Variants in NBAS observed in about 807,000 individuals in gnomAD.
The protein encoded by NBAS is NBAS subunit of NRZ tethering complex.
In NBAS, 219 loss-of-function variants were observed where a neutral mutation model predicts 302.5. The ratio of observed to expected loss-of-function variants is 0.72; its 90% CI spans 0.65 to 0.81. NBAS has a LOEUF of 0.81. Among genes scored for constraint, NBAS ranks in the 30% least tolerant of loss-of-function variants. NBAS has a pLI of 0.00. For synonymous variants in NBAS, 1,118 were observed against 1,021.6 expected (o/e 1.09, Z -1.80); for missense variants, 2,932 against 2,841.6 (o/e 1.03, Z -0.72).
chr2:15,378,850 A>G lies in NBAS; in HGVS notation c.3590+752T>C, dbSNP rs182884760. Among the ~76,000 whole-genome samples the G allele has an allele frequency of 1.4e-4, 22 of 152,312 alleles. No individual in the cohort carries two copies. In the East Asian group the frequency reaches 4.2e-3, roughly 29 times the overall value. On this transcript the variant is annotated intron_variant, in intron 30 of 51. Coordinates refer to ENST00000281513, the MANE Select transcript of NBAS (RefSeq NM_015909.4). ...AAACCACTTTTCTGAAATGTTGAAC[A>G]AGGAAGATAATCTTTTTTAAGCTTT...
chr2:14,953,565 G>A, the NBAS span, among the ~76,000 whole-genome samples: 2 of 152,140 alleles, frequency 1.3e-5, no homozygotes, highest in Non-Finnish European at 2.9e-5. Flanking sequence ...ATGTGTGTCT[G>A]GTCATCCCCT....
At chr2:14,825,123 T>G in the NBAS span, among the ~76,000 whole-genome samples, 1 of 152,204 alleles carries the variant, frequency 6.6e-6, no homozygotes, top group Non-Finnish European at 1.5e-5. Context: ...GGCAGGCAGC[T>G]GGAATCTCCT....
At chr2:14,783,603 G>A in the NBAS span, among the ~76,000 whole-genome samples, 1 of 151,278 alleles carries the variant, frequency 6.6e-6, no homozygotes, top group East Asian at 2.0e-4. Flanking sequence ...AGTTTACTGA[G>A]AATGATGATT....
At chr2:15,535,591 A>G (rs977857535) in intron 8 of NBAS, among the ~76,000 whole-genome samples, 3 of 150,392 alleles carry the variant, frequency 2.0e-5, no homozygotes, top group African/African-American at 7.5e-5. Context: ...ATAAAATGGC[A>G]TAGTATTTTC....
At chr2:15,262,570 ATAAACCTGTCTCTTTC>A (rs1668898439) in intron 44 of NBAS, among the ~76,000 whole-genome samples, 2 of 152,242 alleles carry the variant, frequency 1.3e-5, no homozygotes, top group South Asian at 4.1e-4. Flanking sequence ...AGGTCTGACT[ATAAACCTGTCTCTTTC>A]TACATTACCC....
At chr2:15,073,037 T>G in the NBAS span, among the ~76,000 whole-genome samples, 1 of 152,090 alleles carries the variant, frequency 6.6e-6, no homozygotes, top group Non-Finnish European at 1.5e-5. Flanking sequence ...GCTGGAGAAC[T>G]GCTTAAGCCT....
At chr2:15,430,576 G>C (rs1677714039) in intron 21 of NBAS, among the ~76,000 whole-genome samples, 1 of 152,114 alleles carries the variant, frequency 6.6e-6, no homozygotes, top group Non-Finnish European at 1.5e-5. Flanking sequence ...ATTACAATGA[G>C]AAAACTAAAG....
the NBAS span, among the ~76,000 whole-genome samples, chr2:15,101,200 C>A: frequency 2.6e-5 from 4 of 152,132 alleles, no homozygotes; most frequent in Non-Finnish European, 4.4e-5. Flanking sequence ...ACTATGATAT[C>A]TTGCTGTATT....
chr2:15,308,418 T>C, intron 39 of NBAS, 65 bp from the exon 40 acceptor site: 20 of 1,568,206 alleles, frequency 1.3e-5, no homozygotes, highest in Non-Finnish European at 1.7e-5. Context: ...TATAAACCAT[T>C]ATATTTCTAG....
chr2:15,230,787 A>G (rs1199383356), intron 47 of NBAS, among the ~76,000 whole-genome samples: 1 of 152,162 alleles, frequency 6.6e-6, no homozygotes, highest in Admixed American at 6.5e-5. Flanking sequence ...GAACTCACTG[A>G]CAAGCTGGGA....
the NBAS span, among the ~76,000 whole-genome samples, chr2:15,064,260 T>C: frequency 6.8e-6 from 1 of 146,264 alleles, no homozygotes; most frequent in Non-Finnish European, 1.5e-5. Flanking sequence ...TTAAACAAAA[T>C]TGGCAAACCT....
chr2:15,375,779 T>A (rs887408641), intron 30 of NBAS, among the ~76,000 whole-genome samples: 1 of 152,084 alleles, frequency 6.6e-6, no homozygotes, highest in Non-Finnish European at 1.5e-5. Flanking sequence ...CAAATTGTTT[T>A]TAAAAATGAA....
At chr2:15,449,167 A>G (rs1200163344) in intron 21 of NBAS, among the ~76,000 whole-genome samples, 1 of 152,198 alleles carries the variant, frequency 6.6e-6, no homozygotes, top group Non-Finnish European at 1.5e-5. Flanking sequence ...GAAACTGAAG[A>G]TTATATTGTT....
At chr2:15,543,881 C>T (rs1374643663) in intron 6 of NBAS, among the ~76,000 whole-genome samples, 1 of 152,108 alleles carries the variant, frequency 6.6e-6, no homozygotes, top group African/African-American at 2.4e-5. Flanking sequence ...CTATAAATTC[C>T]AAAATGTCAG....
In NBAS at chr2:15,336,562, C is replaced by G. The variant is rs574182951; in HGVS notation, c.4180-5797G>C. On this transcript the variant is annotated intron_variant, in intron 35 of 51. Transcript: ENST00000281513. The stretch of plus-strand genomic sequence containing the variant: ...GCCTGCTCAACTGGTGAAACCCCGT[C>G]TCTACTAAAAACACAAAATTAGCCG... 5.9e-5 allele frequency among the ~76,000 whole-genome samples: 9 copies of G among 152,238 alleles called. No homozygotes were observed. The South Asian group carries it at 1.9e-3, about 32-fold the overall frequency.
At chr2:15,415,805 T>TA in intron 24 of NBAS, 86 bp from the exon 25 acceptor site, 1 of 1,413,898 alleles carries the variant, frequency 7.1e-7, no homozygotes, top group Non-Finnish European at 1.0e-6. Flanking sequence ...TTCTAAAGCT[T>TA]ACAGGTCCTC....
chr2:15,141,834 G>T, the NBAS span, among the ~76,000 whole-genome samples: 2 of 152,194 alleles, frequency 1.3e-5, no homozygotes, highest in Non-Finnish European at 2.9e-5. Flanking sequence ...CTAGAGAACA[G>T]TTCAAATCCA....
intron 17 of NBAS, 121 bp downstream of exon 17, chr2:15,468,261 A>C: frequency 8.1e-7 from 1 of 1,231,850 alleles, no homozygotes. Context: ...GTATTGATCA[A>C]AAGCAACTGC....
At chr2:15,533,354 T>A (rs2160695) in intron 9 of NBAS, among the ~76,000 whole-genome samples, 96,956 of 151,992 alleles carry the variant, frequency 0.64, 31,643 homozygotes, top group Non-Finnish European at 0.68. Flanking sequence ...TAACAAAAAA[T>A]TTAGAAACAA....
Sources: gnomAD v4.1 joint callset for allele counts (sites outside exome capture counted in the v4.1 genomes callset) on GRCh38, gnomAD v4.1.1 for gene constraint, MANE v1.5 for transcripts, NCBI Gene and HGNC (gene_info 2026-07-23, HGNC 2026-07-21) for gene names.